Variants in AKAP12 observed in about 807,000 individuals in gnomAD.
AKAP12 encodes A-kinase anchoring protein 12, also known as A-kinase anchor protein 12.
Under a neutral mutation model 79.9 loss-of-function variants are expected in AKAP12, and 32 were observed. The observed-to-expected ratio is 0.40, with a 90% CI of 0.30 to 0.54. The LOEUF (loss-of-function observed/expected upper bound fraction) is 0.54, where lower values mean the gene tolerates loss of function less well. Among genes scored for constraint, AKAP12 ranks in the 20% least tolerant of loss-of-function variants. The pLI is 0.48. For missense variants in AKAP12, 2,074 were observed against 2,177.0 expected, an observed-to-expected ratio of 0.95 and a Z score of 0.94; for synonymous variants, 808 against 857.0, an observed-to-expected ratio of 0.94 and a Z score of 1.00.
At chr6:151,250,413 C>T (rs964845632) in intron 2 of AKAP12, among the ~76,000 whole-genome samples, 8 of 151,380 alleles carry the variant, frequency 5.3e-5, no homozygotes, top group African/African-American at 1.2e-4. Flanking sequence ...GCAGGAGAAT[C>T]GCTTGAACAC....
Position 151,349,822 on chromosome 6 carries a change from A to G in AKAP12, c.1431A>G (p.Thr477=). The G allele has an allele frequency of 6.2e-7, 1 of 1,614,162 alleles. No individual in the cohort carries two copies. The highest frequency in any genetic ancestry group is 8.5e-7 in the Non-Finnish European group (1 of 1,180,022). ...CGTGTGTTTCCGGAGAGGACCCTAC[A>G]CAGGGAGCTGACCTCAGTCCTGATG... ...KETCVSGEDP[T]QGADLSPDEK... The change falls in exon 4 of 5, where the codon ACA becomes ACG. Residue 477 remains threonine, a synonymous_variant. Transcript: ENST00000402676.
rs1353486072 is a variant in AKAP12 at position 151,348,610 on chromosome 6, G to T, written c.320-101G>T. Reference sequence around the variant, plus strand: ...GCCGAGACCACACCACTGCCCTCCAGCCGGGGCAAGAGAGTGAGGCCCTGT... The same window carrying T: ...GCCGAGACCACACCACTGCCCTCCATCCGGGGCAAGAGAGTGAGGCCCTGT... On this transcript the variant is annotated intron_variant, in intron 3 of 4. Transcript: ENST00000402676. The T allele has an allele frequency of 1.4e-5, 12 of 881,496 alleles. No homozygotes were observed. In the Admixed American group the frequency reaches 3.0e-4, roughly 22 times the overall value. 54.6% of individuals were successfully genotyped at this position (881,496 alleles called of 1,614,324 possible). A position where few individuals can be genotyped will look rare whatever the true frequency, so the allele number is the denominator to read the frequency against.
At chr6:151,302,749 CTG>C (rs1050806615) in intron 2 of AKAP12, among the ~76,000 whole-genome samples, 2 of 152,108 alleles carry the variant, frequency 1.3e-5, no homozygotes, top group African/African-American at 2.4e-5. Flanking sequence ...TATCATGAAA[CTG>C]TGTATGTCAA....
chr6:151,332,044 T>TG (rs1562743299), intron 3 of AKAP12, among the ~76,000 whole-genome samples: 3 of 144,336 alleles, frequency 2.1e-5, no homozygotes, highest in East Asian at 2.1e-4. Flanking sequence ...TTTTTTTTTT[T>TG]TTTTTTTTTT....
At chr6:151,331,605 GC>G (rs1324220539) in intron 3 of AKAP12, among the ~76,000 whole-genome samples, 1 of 152,054 alleles carries the variant, frequency 6.6e-6, no homozygotes, top group Non-Finnish European at 1.5e-5. Context: ...AAAAGTTTTG[GC>G]CGGGTGCGGT....
At chr6:151,354,256 T>C (rs916806458) in intron 4 of AKAP12, among the ~76,000 whole-genome samples, 9 of 152,178 alleles carry the variant, frequency 5.9e-5, no homozygotes, top group East Asian at 5.8e-4. Context: ...GGATTTTTTT[T>C]CCCCTAGCAG....
intron 2 of AKAP12, among the ~76,000 whole-genome samples, chr6:151,259,445 T>G (rs1386914053): frequency 6.7e-6 from 1 of 149,160 alleles, no homozygotes; most frequent in Admixed American, 6.8e-5. Context: ...TATATATGTG[T>G]ATATATATAC....
intron 2 of AKAP12, among the ~76,000 whole-genome samples, chr6:151,261,127 C>T (rs1797421477): frequency 6.6e-6 from 1 of 152,106 alleles, no homozygotes; most frequent in Admixed American, 6.5e-5. Context: ...GTGGCTCATG[C>T]TTGTAATCCC....
At chr6:151,320,980 T>TTC (rs147180509) in intron 3 of AKAP12, among the ~76,000 whole-genome samples, 3 of 151,080 alleles carry the variant, frequency 2.0e-5, no homozygotes, top group East Asian at 3.9e-4. Flanking sequence ...GGACATTTTC[T>TTC]TTTCTTTCTT....
At chr6:151,259,505 T>TACAC (rs1409619287) in intron 2 of AKAP12, among the ~76,000 whole-genome samples, 55 of 59,820 alleles carry the variant, frequency 9.2e-4, no homozygotes, top group African/African-American at 4.8e-3. Flanking sequence ...TACATGTATA[T>TACAC]ATATATACAC....
Position 151,349,932 on chromosome 6 carries a change from G to A in AKAP12, c.1541G>A (p.Ser514Asn), listed in dbSNP as rs759214427. 1.2e-6 allele frequency: 2 copies of A among 1,614,154 alleles called. No individual in the cohort carries two copies. The highest frequency in any genetic ancestry group is 2.2e-5 in the East Asian group (1 of 44,866). Residue 514 changes from serine to asparagine, a missense_variant, in exon 4 of 5, where the codon AGT (serine) becomes AAT (asparagine). By Grantham distance (46) the Ser-to-Asn change is conservative. Around this residue, in one of 3 missense-constraint regions of AKAP12, gnomAD observed 1,428 missense variants for 1,451.0 expected, o/e 0.98. Coordinates refer to ENST00000402676, the MANE Select transcript of AKAP12 (RefSeq NM_005100.4). ...SSQERMKVQG[S>N]PLKKLFTSTG... ...CAGGAGAGAATGAAGGTGCAGGGAA[G>A]TCCACTAAAGAAGCTTTTTACCAGC...
At chr6:151,286,523 A>G (rs1339076379) in intron 2 of AKAP12, among the ~76,000 whole-genome samples, 1 of 152,202 alleles carries the variant, frequency 6.6e-6, no homozygotes, top group African/African-American at 2.4e-5. Flanking sequence ...CAAAACAAAG[A>G]AACTCTCCCT....
At position 151,352,250 on chromosome 6, in the gene AKAP12, T is replaced by C; in HGVS notation, c.3859T>C (p.Ser1287Pro). 1.2e-6 allele frequency: 2 copies of C among 1,613,930 alleles called. No individual in the cohort carries two copies. The highest frequency in any genetic ancestry group is 1.7e-6 in the Non-Finnish European group (2 of 1,179,980). Residue 1287 changes from serine to proline, a missense_variant, in exon 4 of 5, where the codon TCT becomes CCT. This residue lies in a region of AKAP12 where 614 missense variants were observed against 665.6 expected (regional missense o/e 0.92). Coordinates refer to ENST00000402676, the MANE Select transcript of AKAP12 (RefSeq NM_005100.4). ...ACCATTTTTCGAAGGACTTGAGGGG[T>C]CTATAGACACAGGCATAACAGTCAG... is the stretch of plus-strand genomic sequence containing the variant. ...DVPFFEGLEGSIDTGITVSRE... is the reference protein window; with the variant it reads ...DVPFFEGLEGPIDTGITVSRE...
chr6:151,297,089 A>G (rs1248226341), intron 2 of AKAP12, among the ~76,000 whole-genome samples: 1 of 148,884 alleles, frequency 6.7e-6, no homozygotes, highest in Non-Finnish European at 1.5e-5. Flanking sequence ...ATACACCAAG[A>G]GCTACAGCTA....
At chr6:151,322,666 T>C (rs556613842) in intron 3 of AKAP12, among the ~76,000 whole-genome samples, 1 of 141,242 alleles carries the variant, frequency 7.1e-6, no homozygotes, top group East Asian at 2.0e-4. Flanking sequence ...ACCTCAGAGG[T>C]GAGCCAAACT....
chr6:151,314,089 G>A (rs1262217891), intron 3 of AKAP12, among the ~76,000 whole-genome samples: 3 of 149,246 alleles, frequency 2.0e-5, no homozygotes, highest in African/African-American at 7.5e-5. Context: ...GTACAGTGGT[G>A]CAGTCTCAGC....
intron 2 of AKAP12, among the ~76,000 whole-genome samples, chr6:151,283,619 C>A (rs1164496011): frequency 6.6e-6 from 1 of 152,156 alleles, no homozygotes; most frequent in Non-Finnish European, 1.5e-5. Context: ...AATGAGGAAG[C>A]AGGCACCTAG....
chr6:151,288,553 T>A (rs2114733503), intron 2 of AKAP12, among the ~76,000 whole-genome samples: 1 of 152,264 alleles, frequency 6.6e-6, no homozygotes, highest in South Asian at 2.1e-4. Context: ...GCACATTGGT[T>A]AAATGGACTT....
chr6:151,253,363 A>G (rs1429551210), intron 2 of AKAP12, among the ~76,000 whole-genome samples: 1 of 152,230 alleles, frequency 6.6e-6, no homozygotes, highest in South Asian at 2.1e-4. Context: ...TTGGATACAT[A>G]TGTAAAAGTC....
Sources: allele counts gnomAD v4.1 joint callset (sites outside exome capture counted in the v4.1 genomes callset), GRCh38; gene constraint gnomAD v4.1.1; regional missense constraint gnomAD v4.1.1; transcripts MANE v1.5; gene names NCBI Gene and HGNC (gene_info 2026-07-23, HGNC 2026-07-21).